Variants in ZAP70 observed in about 807,000 individuals in gnomAD.
ZAP70 encodes zeta chain of T cell receptor associated protein kinase 70, also known as tyrosine-protein kinase ZAP-70.
A neutral mutation model predicts 65.8 loss-of-function variants in ZAP70; 27 were observed. That is an observed-to-expected ratio of 0.41 (90% CI 0.30 to 0.57). ZAP70 has a LOEUF of 0.57. ZAP70 is among the 20% of genes least tolerant of loss of function. ZAP70 has a pLI of 0.28. For synonymous variants in ZAP70, 363 were observed against 360.8 expected, an observed-to-expected ratio of 1.01 and a Z score of -0.07; for missense variants, 696 against 870.5, an observed-to-expected ratio of 0.80 and a Z score of 2.52.
At chr2:97,756,340 G>A in the ZAP70 span, 3 of 152,194 alleles carry the variant, frequency 2.0e-5, no homozygotes, top group South Asian at 6.2e-4. Context: ...CAAGGCTTTT[G>A]AAAAAAGCAT....
At chr2:97,755,372 G>C in the ZAP70 span, among the ~76,000 whole-genome samples, 1 of 152,302 alleles carries the variant, frequency 6.6e-6, no homozygotes, top group South Asian at 2.1e-4. Flanking sequence ...TCTGCACCAA[G>C]GCTCCGTTTC....
Position 97,733,579 on chromosome 2 carries a change from A to C in ZAP70, c.873A>C (p.Gly291=), listed in dbSNP as rs746378071. The change falls in exon 8 of 14, where the codon GGA becomes GGC. Residue 291 remains glycine, a synonymous_variant. Coordinates refer to ENST00000264972, the MANE Select transcript of ZAP70 (RefSeq NM_001079.4). ...QRRIDTLNSD[G]YTPEPARITS... is the part of the protein sequence containing the mutation. ...GAATCGACACCCTCAACTCAGATGG[A>C]TACACCCCTGAGCCAGGTGAGCGGG... 6.2e-6 allele frequency: 10 copies of C among 1,613,290 alleles called. No homozygotes were observed. The highest frequency in any genetic ancestry group is 1.6e-4 in the Middle Eastern group (1 of 6,082).
the ZAP70 span, among the ~76,000 whole-genome samples, chr2:97,751,647 AG>A: frequency 6.6e-6 from 1 of 152,208 alleles, no homozygotes; most frequent in Middle Eastern, 3.2e-3. Flanking sequence ...GTTGCTGTAA[AG>A]GAACACCTGA....
chr2:97,742,429 C>A (rs541551792), downstream of ZAP70, among the ~76,000 whole-genome samples: 2 of 152,260 alleles, frequency 1.3e-5, no homozygotes, highest in African/African-American at 2.4e-5. Flanking sequence ...TGGCCTCATG[C>A]CCAGCACAGA....
chr2:97,747,382 T>C, the ZAP70 span, among the ~76,000 whole-genome samples: 2 of 152,164 alleles, frequency 1.3e-5, no homozygotes, highest in Admixed American at 1.3e-4. Flanking sequence ...TATTCAGCCA[T>C]AAGAAGGAAT....
At chr2:97,730,016 C>T (rs1204809371) in intron 4 of ZAP70, among the ~76,000 whole-genome samples, 5 of 152,110 alleles carry the variant, frequency 3.3e-5, no homozygotes, top group Non-Finnish European at 7.4e-5. Context: ...CGTCTAATGT[C>T]GGGAGTTTGA....
At chr2:97,740,864 A>G (rs567738885), downstream of ZAP70, among the ~76,000 whole-genome samples, 17 of 152,304 alleles carry the variant, frequency 1.1e-4, no homozygotes, top group Non-Finnish European at 1.9e-4. Context: ...TGGGGGTGAC[A>G]AAGTCCGGCA....
chr2:97,735,475 C>T lies in ZAP70; in HGVS notation c.1289+19C>T, dbSNP rs201084613. 3.1e-6 allele frequency: 5 copies of T among 1,587,864 alleles called. No homozygotes were observed. Among genetic ancestry groups the T allele is most frequent in the African/African-American group, 2.7e-5 (2 of 74,196 alleles). ...GCAAGAGGTGAGCACCGGGTGGGCC[C>T]GGCCATCGGGTGGGTGGGGCCGGGG... is the stretch of plus-strand genomic sequence containing the variant. On this transcript the variant is annotated intron_variant, in intron 10 of 13. Coordinates refer to ENST00000264972, the MANE Select transcript of ZAP70 (RefSeq NM_001079.4).
In ZAP70 at chr2:97,735,340, C is replaced by A; in HGVS notation, c.1173C>A (p.His391Gln). Residue 391 changes from histidine to glutamine, a missense_variant, in exon 10 of 14, where the codon CAC becomes CAA. By Grantham distance (24) the His-to-Gln change is conservative. Around this residue, in one of 3 missense-constraint regions of ZAP70, gnomAD observed 551 missense variants for 630.0 expected, o/e 0.87. Transcript: ENST00000264972. ...TGATGCGCGAGGCGCAGATCATGCA[C>A]CAGCTGGACAACCCCTACATCGTGC... ...EEMMREAQIM[H>Q]QLDNPYIVRL... 1.2e-6 allele frequency: 2 copies of A among 1,614,172 alleles called. No individual in the cohort carries two copies. Among genetic ancestry groups the A allele is most frequent in the Non-Finnish European group, 1.7e-6 (2 of 1,179,992 alleles).
chr2:97,728,261 T>C (rs1179956911), intron 4 of ZAP70, among the ~76,000 whole-genome samples: 2 of 152,022 alleles, frequency 1.3e-5, no homozygotes, highest in Non-Finnish European at 2.9e-5. Context: ...CCCAGGCAAA[T>C]AGGACAAGCG....
At chr2:97,718,459 A>G (rs1416956290) in intron 2 of ZAP70, among the ~76,000 whole-genome samples, 6 of 152,036 alleles carry the variant, frequency 3.9e-5, no homozygotes, top group Non-Finnish European at 7.4e-5. Flanking sequence ...CCCATGTTTT[A>G]CTAGTGAGGA....
At chr2:97,719,626 C>T (rs1049138126) in intron 2 of ZAP70, among the ~76,000 whole-genome samples, 2 of 151,926 alleles carry the variant, frequency 1.3e-5, no homozygotes, top group Admixed American at 6.6e-5. Flanking sequence ...TGTAGACAGC[C>T]CTTAATCACT....
In ZAP70 at chr2:97,715,977, G is replaced by T. The variant is rs1364452828; in HGVS notation, c.-22+1983G>T. On this transcript the variant is annotated intron_variant, in intron 2 of 13. Transcript: ENST00000264972. The surrounding 1 kb of genome is among the most constrained non-coding windows in gnomAD (Gnocchi z 4.1). ...GAGCTCAGCCTGGTGAGGGACTGAG[G>T]AGCAGAGACAGAGGCCATCAGGGCT... 1.3e-5 allele frequency among the ~76,000 whole-genome samples: 2 copies of T among 152,204 alleles called. No homozygotes were observed. The highest frequency in any genetic ancestry group is 4.8e-5 in the African/African-American group (2 of 41,454).
chr2:97,723,987 C>T, intron 2 of ZAP70, 29 bp from the exon 3 acceptor site: 1 of 1,534,640 alleles, frequency 6.5e-7, no homozygotes, highest in Non-Finnish European at 8.7e-7. Context: ...AAGGCCCTGA[C>T]GTGCCTCCGA....
At chr2:97,754,523 C>T in the ZAP70 span, among the ~76,000 whole-genome samples, 1 of 152,096 alleles carries the variant, frequency 6.6e-6, no homozygotes, top group Non-Finnish European at 1.5e-5. Flanking sequence ...CTGCCTCAGC[C>T]TCCTGAGTAG....
intron 8 of ZAP70, chr2:97,734,036 T>C (rs1677736897): frequency 3.6e-6 from 1 of 280,772 alleles, no homozygotes; most frequent in Non-Finnish European, 6.9e-6. Context: ...GCCCCAGAGC[T>C]CACATTCCTA....
At chr2:97,724,662 G>A in intron 3 of ZAP70, 1 of 1,529,100 alleles carries the variant, frequency 6.5e-7, no homozygotes, top group South Asian at 1.2e-5. Context: ...ATGCTATGGT[G>A]CTCTACTATG....
chr2:97,740,211 C>T (rs1199906231), downstream of ZAP70, among the ~76,000 whole-genome samples: 1 of 152,066 alleles, frequency 6.6e-6, no homozygotes, highest in Non-Finnish European at 1.5e-5. Flanking sequence ...GGGGTCTTCA[C>T]CCCCCCAGGG....
chr2:97,733,529 C>T lies in ZAP70; in HGVS notation c.838-15C>T. ...ACGTCCCCAGCTCAGGCCTTGCTGA[C>T]CCTGTGGCCTTTAGCCTCAGAGACG... is the stretch of plus-strand genomic sequence containing the variant. On this transcript the variant is annotated splice_polypyrimidine_tract_variant and intron_variant, in intron 7 of 13. Transcript: ENST00000264972. 6.2e-7 allele frequency: 1 copy of T among 1,613,668 alleles called. No homozygotes were observed. The highest frequency in any genetic ancestry group is 8.5e-7 in the Non-Finnish European group (1 of 1,179,990).
Sources: gnomAD v4.1 joint callset for allele counts (sites outside exome capture counted in the v4.1 genomes callset) on GRCh38, gnomAD v4.1.1 for gene constraint, gnomAD v4.1.1 regional missense constraint, Gnocchi (gnomAD v3.1) non-coding constraint, MANE v1.5 for transcripts, NCBI Gene and HGNC (gene_info 2026-07-23, HGNC 2026-07-21) for gene names.